Variants in AGO2 observed in about 807,000 individuals in gnomAD.
The protein encoded by AGO2 is argonaute RISC catalytic component 2, also known as protein argonaute-2.
In AGO2, 5 loss-of-function variants were observed where a neutral mutation model predicts 102.3. That is an observed-to-expected ratio of 0.05 (90% CI 0.03 to 0.10). AGO2 has a LOEUF of 0.10. Ranked by LOEUF, AGO2 falls within the 10% of genes least tolerant of loss-of-function variation. The pLI is 1.00. For synonymous variants in AGO2, 449 were observed against 473.1 expected, an observed-to-expected ratio of 0.95 and a Z score of 0.66; for missense variants, 541 against 1,183.7, an observed-to-expected ratio of 0.46 and a Z score of 7.97.
intron 1 of AGO2, among the ~76,000 whole-genome samples, chr8:140,633,609 T>G (rs1012632068): frequency 1.2e-4 from 18 of 152,202 alleles, no homozygotes; most frequent in African/African-American, 4.1e-4. Context: ...GGTGGCTTCC[T>G]GAAGCCCCGC....
chr8:140,557,276 G>C lies in AGO2; in HGVS notation c.879-40C>G. Reference sequence around the variant, plus strand: ...GGCTGTTCAGGCCGAGGGCATCCCGGAGCCCCTTCCCCTGCGCTGCTTTTC... The same window carrying C: ...GGCTGTTCAGGCCGAGGGCATCCCGCAGCCCCTTCCCCTGCGCTGCTTTTC... On this transcript the variant is annotated intron_variant, in intron 7 of 18. Coordinates refer to ENST00000220592, the MANE Select transcript of AGO2 (RefSeq NM_012154.5). This position sits in a 1 kb window ranked among gnomAD's most constrained non-coding sequence, Gnocchi z 5.9. 2 of 1,577,904 alleles carry C rather than the reference G, an allele frequency of 1.3e-6. No individual in the cohort carries two copies. Among genetic ancestry groups the C allele is most frequent in the Non-Finnish European group, 1.7e-6 (2 of 1,160,508 alleles).
chr8:140,599,324 A>G (rs1176513193), intron 1 of AGO2, among the ~76,000 whole-genome samples: 2 of 152,198 alleles, frequency 1.3e-5, no homozygotes, highest in East Asian at 1.9e-4. Flanking sequence ...CGTTTCATAC[A>G]TGAGACGGGG....
At chr8:140,642,254 T>C in the AGO2 span, among the ~76,000 whole-genome samples, 1 of 152,162 alleles carries the variant, frequency 6.6e-6, no homozygotes, top group Non-Finnish European at 1.5e-5. Flanking sequence ...TGTGTTTGTG[T>C]TCCGCCAACA....
upstream of AGO2, among the ~76,000 whole-genome samples, chr8:140,638,971 G>C (rs767877886): frequency 3.3e-5 from 5 of 152,004 alleles, no homozygotes; most frequent in Admixed American, 6.6e-5. Flanking sequence ...GCAGCCTCCT[G>C]GACTTAAATA....
At chr8:140,544,894 G>C (rs562422189) in intron 13 of AGO2, among the ~76,000 whole-genome samples, 1 of 152,192 alleles carries the variant, frequency 6.6e-6, no homozygotes, top group Admixed American at 6.5e-5. Context: ...GAGGCAGCAC[G>C]CACAGGGGCA....
intron 1 of AGO2, among the ~76,000 whole-genome samples, chr8:140,595,911 A>G (rs2073831812): frequency 8.4e-6 from 1 of 119,098 alleles, no homozygotes; most frequent in Non-Finnish European, 1.6e-5. Flanking sequence ...TGTATTATAT[A>G]ATATATATTA....
upstream of AGO2, among the ~76,000 whole-genome samples, chr8:140,640,263 G>A (rs28415196): frequency 4.8e-3 from 735 of 152,270 alleles, 5 homozygotes; most frequent in African/African-American, 0.017. Context: ...GTCTGCCTTG[G>A]CCTCCCGAAG....
At chr8:140,572,512 G>T in intron 3 of AGO2, 1 of 247,396 alleles carries the variant, frequency 4.0e-6, no homozygotes, top group Non-Finnish European at 7.7e-6. Context: ...CTAAGCTCTT[G>T]TCTGGCGGTG....
rs537295089 is a variant in AGO2, at chr8:140,542,630, T to C, written c.1840-1272A>G. On this transcript the variant is annotated intron_variant, in intron 14 of 18. Coordinates refer to ENST00000220592, the MANE Select transcript of AGO2 (RefSeq NM_012154.5). ...AAAAGCCCAAGATATAGTTGAATGC[T>C]TCATAACATTTGTACAGAAAAAAAC... Among the ~76,000 whole-genome samples, 3 of 150,010 alleles carry C rather than the reference T, an allele frequency of 2.0e-5. No homozygotes were observed. The East Asian group carries it at 5.9e-4, about 29-fold the overall frequency.
At chr8:140,597,027 G>C (rs2133043233) in intron 1 of AGO2, among the ~76,000 whole-genome samples, 1 of 152,304 alleles carries the variant, frequency 6.6e-6, no homozygotes, top group African/African-American at 2.4e-5. Flanking sequence ...TGGTGAACAT[G>C]TTGTTTGAAA....
chr8:140,560,361 G>A lies in AGO2; in HGVS notation c.655+13C>T. 6.2e-7 allele frequency: 1 copy of A among 1,613,520 alleles called. No homozygotes were observed. The highest frequency in any genetic ancestry group is 1.1e-5 in the South Asian group (1 of 91,056). Reference sequence around the variant, plus strand: ...ACCCTGCCCTGCAGTGAAGACCCCAGGGCGCTGCTTACCATCAATATTCAG... The same window carrying A: ...ACCCTGCCCTGCAGTGAAGACCCCAAGGCGCTGCTTACCATCAATATTCAG... On this transcript the variant is annotated intron_variant, in intron 5 of 18. Transcript: ENST00000220592.
chr8:140,611,995 C>T lies in AGO2; in HGVS notation c.22+23490G>A, dbSNP rs537221604. Reference sequence around the variant, plus strand: ...ATCCCAGCACTTTGGGAGGCCGAGGCGGGCGATCACGAGGTCAGGAGATCG... The same window carrying T: ...ATCCCAGCACTTTGGGAGGCCGAGGTGGGCGATCACGAGGTCAGGAGATCG... On this transcript the variant is annotated intron_variant, in intron 1 of 18. Transcript: ENST00000220592. 4.6e-5 allele frequency among the ~76,000 whole-genome samples: 7 copies of T among 151,120 alleles called. No homozygotes were observed. The South Asian group carries it at 8.4e-4, about 18-fold the overall frequency.
At chr8:140,641,838 G>A in the AGO2 span, among the ~76,000 whole-genome samples, 3 of 152,280 alleles carry the variant, frequency 2.0e-5, no homozygotes, top group South Asian at 2.1e-4. Context: ...CCAAAGTGCC[G>A]GGCTTACAGG....
At position 140,530,102 on chromosome 8, in the gene AGO2, G is replaced by T. The variant is rs2072563811; in HGVS notation, c.*1942C>A. 6.8e-6 allele frequency: 1 copy of T among 146,980 alleles called. No homozygotes were observed. Among genetic ancestry groups the T allele is most frequent in the Admixed American group, 6.8e-5 (1 of 14,780 alleles). 9.1% of individuals were successfully genotyped at this position (146,980 alleles called of 1,614,324 possible). On this transcript the variant is annotated 3_prime_UTR_variant, in exon 19 of 19. Transcript: ENST00000220592. The stretch of plus-strand genomic sequence containing the variant: ...TTTAAAAAGATTAAAAAAAAATACA[G>T]CCAGAAGAGACTAATGCCATTAATA...
At chr8:140,579,809 G>C (rs2073527217) in intron 2 of AGO2, among the ~76,000 whole-genome samples, 1 of 152,264 alleles carries the variant, frequency 6.6e-6, no homozygotes, top group African/African-American at 2.4e-5. Flanking sequence ...TAAACAGGCA[G>C]GGTCCACCTG....
intron 1 of AGO2, among the ~76,000 whole-genome samples, chr8:140,595,505 C>A (rs1329384958): frequency 1.3e-5 from 2 of 148,948 alleles, no homozygotes; most frequent in Non-Finnish European, 3.0e-5. Flanking sequence ...CACTCTGTTG[C>A]CGAAGCTGAA....
At chr8:140,639,851 C>G (rs1047387327), upstream of AGO2, among the ~76,000 whole-genome samples, 1 of 152,144 alleles carries the variant, frequency 6.6e-6, no homozygotes, top group East Asian at 1.9e-4. Flanking sequence ...GCCAGCTGGG[C>G]CCCCTTTGCA....
chr8:140,589,243 G>C lies in AGO2; in HGVS notation c.23-3932C>G, dbSNP rs1442056486. On this transcript the variant is annotated intron_variant, in intron 1 of 18. Coordinates refer to ENST00000220592, the MANE Select transcript of AGO2 (RefSeq NM_012154.5). The surrounding 1 kb of genome is among the most constrained non-coding windows in gnomAD (Gnocchi z 4.2). ...TGAAGAATAAAGTGCAGGCCTGCCA[G>C]GATTCCCCGCAGACGTGTACCCTGA... is the stretch of plus-strand genomic sequence containing the variant. Among the ~76,000 whole-genome samples, 1 of 152,190 alleles carries C rather than the reference G, an allele frequency of 6.6e-6. No homozygotes were observed. The highest frequency in any genetic ancestry group is 1.5e-5 in the Non-Finnish European group (1 of 68,036).
rs373889696 is a variant in AGO2, at chr8:140,544,206, C to T, written c.1839+7G>A. ...TGGAAGACCCATGGGGAAGCGCTGA[C>T]ACTCACGGCGGCAATGGAGGGCTTC... On this transcript the variant is annotated splice_region_variant and intron_variant, in intron 14 of 18. Transcript: ENST00000220592. The T allele has an allele frequency of 6.3e-7, 1 of 1,580,246 alleles. No individual in the cohort carries two copies. The highest frequency in any genetic ancestry group is 8.6e-7 in the Non-Finnish European group (1 of 1,168,186).
Sources: allele counts gnomAD v4.1 joint callset (sites outside exome capture counted in the v4.1 genomes callset), GRCh38; gene constraint gnomAD v4.1.1; non-coding constraint Gnocchi (gnomAD v3.1); transcripts MANE v1.5; gene names NCBI Gene and HGNC (gene_info 2026-07-23, HGNC 2026-07-21).